NFASC: variants seen among roughly 807,000 people sequenced by gnomAD.
NFASC encodes the protein neurofascin homolog.
In NFASC, 43 loss-of-function variants were observed where a neutral mutation model predicts 147.5. That is an observed-to-expected ratio of 0.29 (90% CI 0.23 to 0.38). The LOEUF (loss-of-function observed/expected upper bound fraction) is 0.38. Among genes scored for constraint, NFASC ranks in the 10% least tolerant of loss-of-function variants. The pLI is 1.00. For synonymous variants in NFASC, 622 were observed against 665.5 expected (o/e 0.93, Z 1.01); for missense variants, 1,320 against 1,689.0 (o/e 0.78, Z 3.83).
chr1:204,951,854 G>T (rs2094146388), intron 4 of NFASC, among the ~76,000 whole-genome samples, 157 bp from the exon 5 acceptor site: 1 of 152,092 alleles, frequency 6.6e-6, no homozygotes, highest in Non-Finnish European at 1.5e-5. Flanking sequence ...TAAGGAGCTG[G>T]GTCTCTAGAA....
At chr1:204,951,291 G>C (rs1427914131) in intron 4 of NFASC, among the ~76,000 whole-genome samples, 2 of 149,836 alleles carry the variant, frequency 1.3e-5, no homozygotes, top group Admixed American at 1.3e-4. Context: ...TGGGGTTATA[G>C]GTGCTCACCA....
chr1:204,973,276 C>T lies in NFASC; in HGVS notation c.1136C>T (p.Ser379Leu), dbSNP rs760687925. 14 of 1,613,872 alleles carry T rather than the reference C, an allele frequency of 8.7e-6. No individual in the cohort carries two copies. The highest frequency in any genetic ancestry group is 1.1e-5 in the Non-Finnish European group (13 of 1,179,970). The change falls in exon 12 of 30, where the codon TCG becomes TTG. Residue 379 changes from serine to leucine, a missense_variant and splice_region_variant. By Grantham distance (145) the Ser-to-Leu change is moderately radical. Around this residue, in one of 3 missense-constraint regions of NFASC, gnomAD observed 981 missense variants for 1,289.5 expected, o/e 0.76. Transcript: ENST00000339876. ...AGGAGCGTCTCTTTCTTGTCTGTAGCGGCACCACCTAACCCAAACCGTGAG... is the reference window on the plus strand; with the variant it reads ...AGGAGCGTCTCTTTCTTGTCTGTAGTGGCACCACCTAACCCAAACCGTGAG... ...QWMVNGEPLQSAPPNPNREVA... is the reference protein window; with the variant it reads ...QWMVNGEPLQLAPPNPNREVA...
At chr1:204,994,733 G>A (rs866556147) in intron 24 of NFASC, among the ~76,000 whole-genome samples, 2 of 152,176 alleles carry the variant, frequency 1.3e-5, no homozygotes, top group Non-Finnish European at 2.9e-5. Flanking sequence ...TCGGCTCACT[G>A]CAACCTCCTC....
At chr1:204,903,709 T>A (rs2085160094) in intron 1 of NFASC, among the ~76,000 whole-genome samples, 1 of 152,226 alleles carries the variant, frequency 6.6e-6, no homozygotes, top group Non-Finnish European at 1.5e-5. Flanking sequence ...CAGGTCATGT[T>A]GACCGGTACA....
intron 1 of NFASC, among the ~76,000 whole-genome samples, chr1:204,873,282 T>C (rs1312178943): frequency 1.3e-5 from 2 of 152,200 alleles, no homozygotes; most frequent in African/African-American, 2.4e-5. Context: ...TTCTGGACCC[T>C]GGGCCAGCAG....
Position 204,977,548 on chromosome 1 carries a change from C to T in NFASC, c.1832-133C>T, listed in dbSNP as rs559405723. 25 of 678,326 alleles carry T rather than the reference C, an allele frequency of 3.7e-5. No individual in the cohort carries two copies. The Admixed American group carries it at 5.1e-4, about 14-fold the overall frequency. The allele number at this position is 678,326 out of a possible 1,614,324, so 42.0% of individuals were successfully genotyped here. On this transcript the variant is annotated intron_variant, in intron 16 of 29. Coordinates refer to ENST00000339876, the MANE Select transcript of NFASC (RefSeq NM_001005388.3). The stretch of plus-strand genomic sequence containing the variant: ...GGGTAGGGGATTCCCCATGGAAGGA[C>T]GGGGACAGCCCTGCCTAGAACACCT...
chr1:204,918,862 A>C (rs2089876694), intron 1 of NFASC, among the ~76,000 whole-genome samples: 1 of 152,222 alleles, frequency 6.6e-6, no homozygotes, highest in Admixed American at 6.5e-5. Context: ...CTGGGATTAT[A>C]GGCATGAGCC....
chr1:204,906,734 G>A (rs1179153639), intron 1 of NFASC, among the ~76,000 whole-genome samples: 1 of 151,426 alleles, frequency 6.6e-6, no homozygotes, highest in Non-Finnish European at 1.5e-5. Flanking sequence ...CCAGGCTGGA[G>A]TGCAGTGGCG....
intron 10 of NFASC, 37 bp from the exon 11 acceptor site, chr1:204,970,579 A>G (rs1313824904): frequency 1.2e-6 from 2 of 1,612,364 alleles, no homozygotes; most frequent in Non-Finnish European, 8.5e-7. Context: ...GTCCCATGCC[A>G]TCTAACTCCC....
rs1006036074 is a variant in NFASC, at chr1:204,954,404, G to A, written c.412+20G>A. Reference sequence around the variant, plus strand: ...TGTCTAGTGAGTAGCGTGGGGCAGGGCTGAAATGCCCTGCTCCTGGGTAAA... The same window carrying A: ...TGTCTAGTGAGTAGCGTGGGGCAGGACTGAAATGCCCTGCTCCTGGGTAAA... On this transcript the variant is annotated intron_variant, in intron 6 of 29. Coordinates refer to ENST00000339876, the MANE Select transcript of NFASC (RefSeq NM_001005388.3). The surrounding 1 kb of genome is among the most constrained non-coding windows in gnomAD (Gnocchi z 5.7). 4 of 1,608,894 alleles carry A rather than the reference G, an allele frequency of 2.5e-6. No homozygotes were observed. The highest frequency in any genetic ancestry group is 3.4e-6 in the Non-Finnish European group (4 of 1,176,694).
At chr1:204,871,821 T>C (rs1313153408) in intron 1 of NFASC, among the ~76,000 whole-genome samples, 1 of 152,184 alleles carries the variant, frequency 6.6e-6, no homozygotes, top group East Asian at 1.9e-4. Context: ...TGGCTGATGA[T>C]GTTCACTTTG....
rs1032702650 is a variant in NFASC at position 204,975,037 on chromosome 1, C to T, written c.1558+214C>T. Among the ~76,000 whole-genome samples, 2 of 152,230 alleles carry T rather than the reference C, an allele frequency of 1.3e-5. No homozygotes were observed. Among genetic ancestry groups the T allele is most frequent in the Admixed American group, 6.5e-5 (1 of 15,284 alleles). On this transcript the variant is annotated intron_variant, in intron 14 of 29. Coordinates refer to ENST00000339876, the MANE Select transcript of NFASC (RefSeq NM_001005388.3). The surrounding 1 kb of genome is among the most constrained non-coding windows in gnomAD (Gnocchi z 4.0). The stretch of plus-strand genomic sequence containing the variant: ...TTCTGCTCACACCAACTCCCCACTA[C>T]CAGCCCAGAAATTACATCATATATT...
chr1:204,847,566 G>C (rs2075291300), intron 1 of NFASC, among the ~76,000 whole-genome samples: 1 of 152,144 alleles, frequency 6.6e-6, no homozygotes, highest in Non-Finnish European at 1.5e-5. Context: ...ACTCCTCCTG[G>C]CTCTTTCCCA....
chr1:204,933,305 A>G (rs1468715835), intron 2 of NFASC, among the ~76,000 whole-genome samples: 1 of 152,110 alleles, frequency 6.6e-6, no homozygotes, highest in Non-Finnish European at 1.5e-5. Context: ...TGCGGGGGAG[A>G]TGGAGAATAA....
At chr1:204,920,427 CTT>C (rs11381518) in intron 1 of NFASC, among the ~76,000 whole-genome samples, 25,119 of 119,244 alleles carry the variant, frequency 0.21, 2,531 homozygotes, top group Non-Finnish European at 0.28. Flanking sequence ...AGGATCTGTC[CTT>C]TTTTTTTTTT....
intron 8 of NFASC, among the ~76,000 whole-genome samples, chr1:204,964,280 C>T (rs565055652): frequency 8.5e-5 from 13 of 152,316 alleles, no homozygotes; most frequent in African/African-American, 3.1e-4. Flanking sequence ...ATGTGTTGGG[C>T]ACATTCTCGA....
rs752592389 is a variant in NFASC at position 204,974,212 on chromosome 1, A to G, written c.1313A>G (p.Gln438Arg). The G allele has an allele frequency of 2.5e-6, 4 of 1,613,980 alleles. No homozygotes were observed. In the African/African-American group the frequency reaches 4.0e-5, roughly 16 times the overall value. ...CCTCGGATGCTGTCGCCCCGGAACC[A>G]GCTCATTCGAGTGATTCTTTACAAC... ...VPPRMLSPRN[Q>R]LIRVILYNRT... is the part of the protein sequence containing the mutation. Residue 438 changes from glutamine to arginine, a missense_variant, in exon 13 of 30, where the codon CAG becomes CGG. Physicochemically the swap from Gln to Arg is conservative, Grantham distance 43. Around this residue, in one of 3 missense-constraint regions of NFASC, gnomAD observed 981 missense variants for 1,289.5 expected, o/e 0.76. Coordinates refer to ENST00000339876, the MANE Select transcript of NFASC (RefSeq NM_001005388.3).
At chr1:204,980,926 T>C (rs1358058786) in intron 20 of NFASC, among the ~76,000 whole-genome samples, 2 of 152,174 alleles carry the variant, frequency 1.3e-5, no homozygotes, top group African/African-American at 4.8e-5. Context: ...TTCCAAAGAC[T>C]CCCTCTGGTC....
intron 21 of NFASC, among the ~76,000 whole-genome samples, chr1:204,983,788 G>A (rs2095553551): frequency 6.6e-6 from 1 of 152,182 alleles, no homozygotes; most frequent in Non-Finnish European, 1.5e-5. Context: ...GCACAGGAGG[G>A]GGCAAATGAG....
Sources: gnomAD v4.1 joint callset for allele counts (sites outside exome capture counted in the v4.1 genomes callset) on GRCh38, gnomAD v4.1.1 for gene constraint, gnomAD v4.1.1 regional missense constraint, Gnocchi (gnomAD v3.1) non-coding constraint, MANE v1.5 for transcripts, NCBI Gene and HGNC (gene_info 2026-07-23, HGNC 2026-07-21) for gene names.